The following DYNC2I2 variants were observed in gnomAD, a reference collection of about 807,000 sequenced individuals.
DYNC2I2 encodes the protein dynein 2 intermediate chain 2, also known as cytoplasmic dynein 2 intermediate chain 2.
In DYNC2I2, 39 loss-of-function variants were observed where a neutral mutation model predicts 52.0. The observed-to-expected ratio is 0.75, with a 90% CI of 0.58 to 0.98. The LOEUF (loss-of-function observed/expected upper bound fraction) is 0.98, where lower values mean the gene tolerates loss of function less well. Ranked by LOEUF, DYNC2I2 falls within the 50% of genes least tolerant of loss-of-function variation. The pLI, the probability that DYNC2I2 is intolerant of heterozygous loss-of-function variation, is 0.00. For missense variants in DYNC2I2, 743 were observed against 728.4 expected (o/e 1.02, Z -0.23); for synonymous variants, 359 against 321.1 (o/e 1.12, Z -1.26).
chr9:128,650,562 G>A lies in DYNC2I2; in HGVS notation c.186+5979C>T, dbSNP rs1417259301. Reference sequence around the variant, plus strand: ...ATATATATATATGCCACCACGCCCGGCTAATTTTGTATTTTTAGTAGAGAC... The same window carrying A: ...ATATATATATATGCCACCACGCCCGACTAATTTTGTATTTTTAGTAGAGAC... On this transcript the variant is annotated intron_variant, in intron 1 of 8. Coordinates refer to ENST00000372715, the MANE Select transcript of DYNC2I2 (RefSeq NM_052844.4). Among the ~76,000 whole-genome samples, 6 of 47,002 alleles carry A rather than the reference G, an allele frequency of 1.3e-4. 2 individuals are homozygous for A. The highest frequency in any genetic ancestry group is 2.8e-4 in the African/African-American group (6 of 21,064). The allele number at this position is 47,002 out of a possible 152,430, so 30.8% of individuals were successfully genotyped here. A position where few individuals can be genotyped will look rare whatever the true frequency, so the allele number is the denominator to read the frequency against.
intron 1 of DYNC2I2, among the ~76,000 whole-genome samples, chr9:128,652,920 A>G (rs1456172292): frequency 1.4e-5 from 2 of 145,952 alleles, no homozygotes; most frequent in African/African-American, 2.6e-5. Context: ...CTCCGTCTCA[A>G]AAAAAAAAAA....
chr9:128,683,827 C>T, the DYNC2I2 span: 12 of 1,347,050 alleles, frequency 8.9e-6, no homozygotes, highest in Non-Finnish European at 1.2e-5. Context: ...CTGGGGCAGT[C>T]TCAGTGTTCA....
chr9:128,656,677 C>CT lies in DYNC2I2; in HGVS notation c.49_50insA (p.Gly17GlufsTer88). The stretch of plus-strand genomic sequence containing the variant: ...CCCGACTGTCGCCAGCGCCGCAACA[C>CT]CAGCGCTTCCCGCCTGGCTGAGTGG... On this transcript the variant is annotated frameshift_variant, in exon 1 of 9. Coordinates refer to ENST00000372715, the MANE Select transcript of DYNC2I2 (RefSeq NM_052844.4). LOFTEE classifies it high-confidence loss of function. 6.7e-7 allele frequency: 1 copy of CT among 1,503,136 alleles called. No homozygotes were observed. Among genetic ancestry groups the CT allele is most frequent in the Non-Finnish European group, 8.8e-7 (1 of 1,136,152 alleles). The allele number at this position is 1,503,136 out of a possible 1,614,324, so 93.1% of individuals were successfully genotyped here.
intron 3 of DYNC2I2, 98 bp downstream of exon 3, chr9:128,636,820 C>T: frequency 1.1e-6 from 1 of 950,402 alleles, no homozygotes; most frequent in East Asian, 2.6e-5. Flanking sequence ...GATGGCCAAG[C>T]TCTTAGAACC....
chr9:128,647,367 T>C (rs1860635188), intron 1 of DYNC2I2, among the ~76,000 whole-genome samples: 1 of 151,984 alleles, frequency 6.6e-6, no homozygotes, highest in Non-Finnish European at 1.5e-5. Flanking sequence ...GGAGTCAGGA[T>C]CCTCACTTCC....
At chr9:128,663,858 G>A in the DYNC2I2 span, among the ~76,000 whole-genome samples, 1 of 150,712 alleles carries the variant, frequency 6.6e-6, no homozygotes, top group Non-Finnish European at 1.5e-5. Context: ...TTCACCCTGT[G>A]GCCAAGGCTG....
At chr9:128,648,913 T>C (rs1258782661) in intron 1 of DYNC2I2, among the ~76,000 whole-genome samples, 1 of 151,946 alleles carries the variant, frequency 6.6e-6, no homozygotes, top group African/African-American at 2.4e-5. Flanking sequence ...TGAGGAGGGA[T>C]GCAGCAGAGG....
the DYNC2I2 span, among the ~76,000 whole-genome samples, chr9:128,674,247 G>A: frequency 8.6e-5 from 13 of 151,704 alleles, no homozygotes; most frequent in Non-Finnish European, 1.8e-4. Context: ...ACCATCTACT[G>A]TCTCAGCCTC....
At chr9:128,670,307 G>T in the DYNC2I2 span, among the ~76,000 whole-genome samples, 2 of 151,542 alleles carry the variant, frequency 1.3e-5, no homozygotes, top group Non-Finnish European at 2.9e-5. Context: ...GGGCGTCGTG[G>T]TGGGTGCCTG....
chr9:128,668,115 T>TGCGTCTGGCCACA, the DYNC2I2 span, among the ~76,000 whole-genome samples: 1 of 151,282 alleles, frequency 6.6e-6, no homozygotes, highest in Non-Finnish European at 1.5e-5. Context: ...CGTGAGCCAC[T>TGCGTCTGGCCACA]ATGCCCAGCT....
intron 1 of DYNC2I2, among the ~76,000 whole-genome samples, chr9:128,653,380 C>A (rs1234739164): frequency 1.3e-5 from 2 of 150,492 alleles, no homozygotes; most frequent in East Asian, 3.9e-4. Flanking sequence ...GAGTTCAAAA[C>A]CAACCTGGCC....
chr9:128,657,870 A>G (rs1359537246), upstream of DYNC2I2, among the ~76,000 whole-genome samples: 1 of 152,130 alleles, frequency 6.6e-6, no homozygotes, highest in African/African-American at 2.4e-5. Context: ...CAAGAGGATC[A>G]CTTGAGCCCA....
In DYNC2I2 at chr9:128,634,823, G is replaced by T; in HGVS notation, c.1080C>A (p.Leu360=). The T allele has an allele frequency of 1.2e-6, 2 of 1,613,336 alleles. No individual in the cohort carries two copies. Among genetic ancestry groups the T allele is most frequent in the Non-Finnish European group, 8.5e-7 (1 of 1,179,884 alleles). The change falls in exon 7 of 9, where the codon CTC becomes CTA. Residue 360 remains leucine, a synonymous_variant. Coordinates refer to ENST00000372715, the MANE Select transcript of DYNC2I2 (RefSeq NM_052844.4). The part of the protein sequence containing the change: ...FILGTEGGFP[L]KCSLAAGEAA... ...CCTCTCCAGCTGCCAGGGAACACTT[G>T]AGCGGGAAGCCGCCTTCCGTGCCCA...
the DYNC2I2 span, among the ~76,000 whole-genome samples, chr9:128,682,419 G>A: frequency 1.3e-5 from 2 of 152,070 alleles, no homozygotes. Context: ...GCTTATGCCT[G>A]TAATACTAGC....
intron 1 of DYNC2I2, among the ~76,000 whole-genome samples, chr9:128,655,334 C>CT (rs1860796522): frequency 4.2e-4 from 1 of 2,366 alleles, no homozygotes; most frequent in African/African-American, 6.0e-4. Context: ...CCCGTCTCTA[C>CT]TAAAAAAAAA....
intron 1 of DYNC2I2, among the ~76,000 whole-genome samples, chr9:128,646,750 A>G (rs1044302363): frequency 6.6e-6 from 1 of 152,252 alleles, no homozygotes; most frequent in African/African-American, 2.4e-5. Context: ...TGGGAGGCCA[A>G]TGAAGGTGGA....
At chr9:128,673,521 T>C in the DYNC2I2 span, among the ~76,000 whole-genome samples, 2 of 151,200 alleles carry the variant, frequency 1.3e-5, no homozygotes, top group East Asian at 1.9e-4. Flanking sequence ...TTTTTTTTTT[T>C]CTGAGACGGA....
intron 1 of DYNC2I2, among the ~76,000 whole-genome samples, chr9:128,655,006 C>A (rs1860789132): frequency 6.6e-6 from 1 of 151,988 alleles, no homozygotes; most frequent in South Asian, 2.1e-4. Context: ...AGATGTCCGT[C>A]TTCTTCTCTG....
the DYNC2I2 span, among the ~76,000 whole-genome samples, chr9:128,667,703 G>A: frequency 6.6e-6 from 1 of 151,840 alleles, no homozygotes; most frequent in East Asian, 1.9e-4. Flanking sequence ...ACGAGTTGCT[G>A]GGATTACAGG....
Sources: gnomAD v4.1 joint callset for allele counts (sites outside exome capture counted in the v4.1 genomes callset) on GRCh38, gnomAD v4.1.1 for gene constraint, MANE v1.5 for transcripts, NCBI Gene and HGNC (gene_info 2026-07-23, HGNC 2026-07-21) for gene names.